Variants in DGKG observed in about 807,000 individuals in gnomAD.
DGKG encodes diacylglycerol kinase gamma.
Under a neutral mutation model 105.3 loss-of-function variants are expected in DGKG, and 78 were observed. That is an observed-to-expected ratio of 0.74 (90% confidence interval 0.62 to 0.89). The LOEUF (loss-of-function observed/expected upper bound fraction) is 0.89, where lower values mean the gene tolerates loss of function less well. Among genes scored for constraint, DGKG ranks in the 40% least tolerant of loss-of-function variants. The probability of loss-of-function intolerance (pLI) is 0.00; values close to 1 mark genes in which losing one functional copy is unlikely to be tolerated. For synonymous variants in DGKG, 346 were observed against 367.1 expected (o/e 0.94, Z 0.66); for missense variants, 958 against 1,020.1 (o/e 0.94, Z 0.83).
rs183319049 is a variant in DGKG, at chr3:186,226,882, G to A, written c.1827-14997C>T. On this transcript the variant is annotated intron_variant, in intron 20 of 24. Transcript: ENST00000265022. This position sits in a 1 kb window ranked among gnomAD's most constrained non-coding sequence, Gnocchi z 4.2. ...TCCCTGCTGTGTTAGTAATTTGAGGGTATAAGTACATTCTTGAAGTGAGAA... is the reference window on the plus strand; with the variant it reads ...TCCCTGCTGTGTTAGTAATTTGAGGATATAAGTACATTCTTGAAGTGAGAA... Among the ~76,000 whole-genome samples, 6 of 152,276 alleles carry A rather than the reference G, an allele frequency of 3.9e-5. No individual in the cohort carries two copies. The East Asian group carries it at 1.2e-3, about 29-fold the overall frequency.
intron 18 of DGKG, 31 bp downstream of exon 18, chr3:186,253,062 C>T: frequency 6.3e-7 from 1 of 1,598,398 alleles, no homozygotes; most frequent in Non-Finnish European, 8.6e-7. Flanking sequence ...ACACCTGTTC[C>T]CAGGGTACCA....
intron 24 of DGKG, among the ~76,000 whole-genome samples, chr3:186,155,163 T>G (rs1273706172): frequency 6.6e-6 from 1 of 151,998 alleles, no homozygotes; most frequent in Non-Finnish European, 1.5e-5. Flanking sequence ...TGGGCTTCTG[T>G]TTTTGTTTTA....
At chr3:186,269,043 A>G in intron 11 of DGKG, 126 bp from the exon 12 acceptor site, 1 of 660,742 alleles carries the variant, frequency 1.5e-6, no homozygotes, top group South Asian at 1.8e-5. Flanking sequence ...TATTTAGAGG[A>G]TGCTTATTGG....
At chr3:186,164,762 G>T (rs77220317) in intron 23 of DGKG, 136 bp downstream of exon 23, 8 of 1,082,272 alleles carry the variant, frequency 7.4e-6, no homozygotes, top group Non-Finnish European at 1.0e-5. Flanking sequence ...CTACAAAGAC[G>T]TTCTTTACAA....
intron 2 of DGKG, 26 bp downstream of exon 2, chr3:186,320,367 C>T: frequency 3.1e-6 from 5 of 1,613,816 alleles, no homozygotes; most frequent in Non-Finnish European, 3.4e-6. Flanking sequence ...AAATCCCGTC[C>T]CAGGGCTGTC....
Position 186,265,321 on chromosome 3 carries a change from GA to G in DGKG, c.1210-16del, listed in dbSNP as rs1553810000. The stretch of plus-strand genomic sequence containing the variant: ...CCTGGCCTGTCCTGTGACAAGAAAG[GA>G]AAGACAAGCATCTTTTGGAAAAAGA... On this transcript the variant is annotated splice_polypyrimidine_tract_variant and intron_variant, in intron 13 of 24. Coordinates refer to ENST00000265022, the MANE Select transcript of DGKG (RefSeq NM_001346.3). 6.2e-7 allele frequency: 1 copy of G among 1,613,640 alleles called. No individual in the cohort carries two copies. The highest frequency in any genetic ancestry group is 8.5e-7 in the Non-Finnish European group (1 of 1,179,600).
intron 8 of DGKG, among the ~76,000 whole-genome samples, chr3:186,280,185 T>C (rs948345614): frequency 2.6e-5 from 4 of 152,260 alleles, no homozygotes; most frequent in Admixed American, 2.0e-4. Context: ...ACCCTGACTC[T>C]GTGGGCTCTG....
chr3:186,263,760 C>A (rs1721903489), intron 14 of DGKG, among the ~76,000 whole-genome samples: 1 of 151,812 alleles, frequency 6.6e-6, no homozygotes. Flanking sequence ...TACCAAGGAC[C>A]CTATAGCACC....
intron 2 of DGKG, among the ~76,000 whole-genome samples, chr3:186,308,456 T>C (rs1560147237): frequency 1.3e-5 from 2 of 152,188 alleles, no homozygotes. Context: ...GACGATGTTA[T>C]TAAAAGCTCA....
chr3:186,340,327 G>T (rs1339895850), intron 1 of DGKG, among the ~76,000 whole-genome samples: 1 of 152,118 alleles, frequency 6.6e-6, no homozygotes. Context: ...AGGAGTGGCT[G>T]GATGTGTGGG....
intron 4 of DGKG, 67 bp downstream of exon 4, chr3:186,297,997 G>C: frequency 6.5e-7 from 1 of 1,531,812 alleles, no homozygotes; most frequent in East Asian, 2.3e-5. Flanking sequence ...TAGGAATGCA[G>C]TCTGTGGCTG....
intron 1 of DGKG, among the ~76,000 whole-genome samples, chr3:186,348,564 A>G (rs1426380849): frequency 6.8e-6 from 1 of 146,418 alleles, no homozygotes; most frequent in Non-Finnish European, 1.5e-5. Context: ...TGATCCTTCC[A>G]CCTCAGCCTC....
At chr3:186,160,595 T>G in intron 24 of DGKG, 2 of 985,460 alleles carry the variant, frequency 2.0e-6, no homozygotes, top group Non-Finnish European at 2.4e-6. Context: ...GAAACCTTCC[T>G]TTAGTAGAAG....
intron 6 of DGKG, among the ~76,000 whole-genome samples, chr3:186,285,128 G>A (rs1723004089): frequency 6.6e-6 from 1 of 152,180 alleles, no homozygotes; most frequent in African/African-American, 2.4e-5. Flanking sequence ...CTTCTGGGGG[G>A]TGCCCAACAA....
chr3:186,219,196 G>T (rs1310985966), intron 20 of DGKG, among the ~76,000 whole-genome samples: 2 of 150,706 alleles, frequency 1.3e-5, no homozygotes, highest in Admixed American at 6.6e-5. Context: ...GGTGGGGTCT[G>T]CTCTGAGGCC....
At chr3:186,261,833 A>T in intron 14 of DGKG, 55 bp from the exon 15 acceptor site, 1 of 1,176,670 alleles carries the variant, frequency 8.5e-7, no homozygotes, top group Non-Finnish European at 1.2e-6. Flanking sequence ...AGGGGGCGTG[A>T]GATGAGAGTT....
At chr3:186,310,333 T>A (rs1051443990) in intron 2 of DGKG, among the ~76,000 whole-genome samples, 32 of 147,590 alleles carry the variant, frequency 2.2e-4, no homozygotes, top group African/African-American at 6.0e-4. Context: ...TAACTAGCTT[T>A]CCGTGAGGTG....
chr3:186,204,658 T>C (rs947265405), intron 21 of DGKG, among the ~76,000 whole-genome samples: 1 of 152,158 alleles, frequency 6.6e-6, no homozygotes, highest in Non-Finnish European at 1.5e-5. Flanking sequence ...TGGCATTTAG[T>C]CACACTGTCT....
intron 20 of DGKG, among the ~76,000 whole-genome samples, chr3:186,237,437 G>A (rs993406985): frequency 6.6e-6 from 1 of 152,158 alleles, no homozygotes; most frequent in African/African-American, 2.4e-5. Flanking sequence ...CAGGGAGAAT[G>A]CTCACACCAT....
Sources: gnomAD v4.1 joint callset for allele counts (sites outside exome capture counted in the v4.1 genomes callset) on GRCh38, gnomAD v4.1.1 for gene constraint, Gnocchi (gnomAD v3.1) non-coding constraint, MANE v1.5 for transcripts, NCBI Gene and HGNC (gene_info 2026-07-23, HGNC 2026-07-21) for gene names.